Variants in ZBTB7C observed in about 807,000 individuals in gnomAD.
ZBTB7C encodes zinc finger and BTB domain-containing protein 7C.
ZBTB7C carries 8 observed loss-of-function variants against 25.7 expected under a neutral mutation model. The ratio of observed to expected loss-of-function variants is 0.31; its 90% CI spans 0.18 to 0.56. The LOEUF (loss-of-function observed/expected upper bound fraction) is 0.56. Ranked by LOEUF, ZBTB7C falls within the 20% of genes least tolerant of loss-of-function variation. The pLI is 0.91. For synonymous variants in ZBTB7C, 394 were observed against 369.0 expected, an observed-to-expected ratio of 1.07 and a Z score of -0.78; for missense variants, 824 against 855.2, an observed-to-expected ratio of 0.96 and a Z score of 0.46.
At chr18:48,136,130 C>T (rs1457941553) in intron 3 of ZBTB7C, among the ~76,000 whole-genome samples, 1 of 152,156 alleles carries the variant, frequency 6.6e-6, no homozygotes, top group East Asian at 1.9e-4. Context: ...CTCTCTCCAT[C>T]GTCCTTCCCA....
chr18:48,148,903 T>C (rs1598972336), intron 3 of ZBTB7C: 2 of 152,228 alleles, frequency 1.3e-5, no homozygotes, highest in South Asian at 4.1e-4. Context: ...GGAGTGGCTG[T>C]GAAGAGAAAT....
chr18:48,273,341 T>C (rs536779882), intron 2 of ZBTB7C, among the ~76,000 whole-genome samples: 35 of 152,000 alleles, frequency 2.3e-4, no homozygotes, highest in Non-Finnish European at 4.1e-4. Flanking sequence ...CATGTTATTA[T>C]CATAGAGATG....
chr18:48,118,001 C>CTTTT (rs11358230), intron 3 of ZBTB7C, among the ~76,000 whole-genome samples: 16 of 128,502 alleles, frequency 1.2e-4, no homozygotes, highest in African/African-American at 1.8e-4. Context: ...TCTTCTTCTT[C>CTTTT]TTTTTTTTTT....
intron 2 of ZBTB7C, among the ~76,000 whole-genome samples, chr18:48,238,882 C>A (rs756093388): frequency 6.6e-6 from 1 of 152,154 alleles, no homozygotes; most frequent in Non-Finnish European, 1.5e-5. Context: ...CAGCAGGGAG[C>A]CTTGTAGCCG....
chr18:48,124,676 T>C (rs889079139), intron 3 of ZBTB7C, among the ~76,000 whole-genome samples: 1 of 152,142 alleles, frequency 6.6e-6, no homozygotes, highest in Non-Finnish European at 1.5e-5. Flanking sequence ...GGAATCCTGA[T>C]AGGATGCTGG....
At chr18:48,391,154 G>A (rs2047892023) in intron 1 of ZBTB7C, among the ~76,000 whole-genome samples, 1 of 152,198 alleles carries the variant, frequency 6.6e-6, no homozygotes, top group Admixed American at 6.5e-5. Flanking sequence ...GTAAAACCAT[G>A]GCATCTGGGT....
chr18:48,091,238 A>ATTTTTTTTTTTTTTT (rs35051690), intron 3 of ZBTB7C, among the ~76,000 whole-genome samples: 1 of 64,674 alleles, frequency 1.5e-5, no homozygotes. Flanking sequence ...TGCCCGGATA[A>ATTTTTTTTTTTTTTT]TTTTTTTTTT....
chr18:48,383,723 G>A (rs943075457), intron 1 of ZBTB7C, among the ~76,000 whole-genome samples: 3 of 152,196 alleles, frequency 2.0e-5, no homozygotes, highest in Admixed American at 6.5e-5. Context: ...AGTCTGGCAC[G>A]TTGTAGAAAC....
chr18:48,270,138 A>C (rs1378754846), intron 2 of ZBTB7C, among the ~76,000 whole-genome samples: 1 of 152,186 alleles, frequency 6.6e-6, no homozygotes, highest in Non-Finnish European at 1.5e-5. Flanking sequence ...GGAGTTAGCA[A>C]AACAACAATA....
rs893002650 is a variant in ZBTB7C, at chr18:48,097,276, G to C, written c.-16-56153C>G. Among the ~76,000 whole-genome samples the C allele has an allele frequency of 1.3e-5, 2 of 152,310 alleles. 1 individual carries two copies. Among genetic ancestry groups the C allele is most frequent in the Middle Eastern group, 6.8e-3 (2 of 294 alleles). On this transcript the variant is annotated intron_variant, in intron 3 of 4. Transcript: ENST00000590800. ...TCCACCCTGTGCAAGGAAAATCAAAGAGAGCTTGTCTGTAGATAGGAAGTG... is the reference window on the plus strand; with the variant it reads ...TCCACCCTGTGCAAGGAAAATCAAACAGAGCTTGTCTGTAGATAGGAAGTG...
intron 3 of ZBTB7C, among the ~76,000 whole-genome samples, chr18:48,162,100 C>A (rs1428298341): frequency 2.0e-5 from 3 of 152,206 alleles, no homozygotes; most frequent in Non-Finnish European, 2.9e-5. Flanking sequence ...CCCCCGCCGC[C>A]GCAGGCCGCC....
At chr18:48,081,222 C>T (rs1386905770) in intron 3 of ZBTB7C, among the ~76,000 whole-genome samples, 1 of 152,174 alleles carries the variant, frequency 6.6e-6, no homozygotes, top group Non-Finnish European at 1.5e-5. Context: ...AGCCAAACTT[C>T]CAGGGAGGCT....
At chr18:48,391,295 T>C (rs1158987970) in intron 1 of ZBTB7C, among the ~76,000 whole-genome samples, 1 of 152,184 alleles carries the variant, frequency 6.6e-6, no homozygotes, top group Admixed American at 6.5e-5. Context: ...GTCTTCTTTA[T>C]TGTCCAGAAC....
intron 3 of ZBTB7C, among the ~76,000 whole-genome samples, chr18:48,097,382 G>GTTGTTGTTATTATTATTATTA (rs10651143): frequency 1.7e-4 from 25 of 144,974 alleles, no homozygotes; most frequent in East Asian, 8.1e-4. Context: ...TATTGTTGTT[G>GTTGTTGTTATTATTATTATTA]TTATTATTAT....
At chr18:48,103,971 G>T (rs2038939967) in intron 3 of ZBTB7C, among the ~76,000 whole-genome samples, 2 of 152,130 alleles carry the variant, frequency 1.3e-5, no homozygotes, top group Non-Finnish European at 2.9e-5. Flanking sequence ...ACTGCTAATG[G>T]GTATGGGGTT....
chr18:48,040,623 T>A lies in ZBTB7C; in HGVS notation c.485A>T (p.Glu162Val). ...GTCCTCCGTGTCATCATCGTCATCC[T>A]CCTCCTCTTCCTCCTCCTCCTCTTC... is the stretch of plus-strand genomic sequence containing the variant. ...EDEEEEEEEE[E>V]DDDDDTEDFA... The change falls in exon 4 of 5, where the codon GAG becomes GTG. Residue 162 changes from glutamate (E) to valine (V), a missense_variant. Transcript: ENST00000590800. The A allele has an allele frequency of 6.2e-7, 1 of 1,611,082 alleles. No individual in the cohort carries two copies. Among genetic ancestry groups the A allele is most frequent in the East Asian group, 2.3e-5 (1 of 42,806 alleles).
At chr18:48,106,167 G>A (rs2144638489) in intron 3 of ZBTB7C, among the ~76,000 whole-genome samples, 1 of 152,290 alleles carries the variant, frequency 6.6e-6, no homozygotes, top group East Asian at 1.9e-4. Flanking sequence ...CACGGGGAGG[G>A]ATTGAACAAT....
intron 3 of ZBTB7C, among the ~76,000 whole-genome samples, chr18:48,046,957 A>G (rs949092911): frequency 2.0e-5 from 3 of 152,222 alleles, no homozygotes; most frequent in Non-Finnish European, 4.4e-5. Context: ...TGGTTTTCCC[A>G]GCAGTGACTT....
At position 48,261,148 on chromosome 18, in the gene ZBTB7C, G is replaced by A. The variant is rs142589151; in HGVS notation, c.-78-75153C>T. Among the ~76,000 whole-genome samples, 316 of 152,294 alleles carry A rather than the reference G, an allele frequency of 2.1e-3. 1 individual carries two copies. The highest frequency in any genetic ancestry group is 3.0e-3 in the Non-Finnish European group (202 of 68,026). On this transcript the variant is annotated intron_variant, in intron 2 of 4. Transcript: ENST00000590800. ...GAATGTTTTAATTCATCGGATAAAC[G>A]TCACCAACTCTTGGGTTCCTAAGAT...
Sources: allele counts gnomAD v4.1 joint callset (sites outside exome capture counted in the v4.1 genomes callset), GRCh38; gene constraint gnomAD v4.1.1; transcripts MANE v1.5; gene names NCBI Gene and HGNC (gene_info 2026-07-23, HGNC 2026-07-21).